Variants in TMEM117 observed in about 807,000 individuals in gnomAD.
TMEM117 encodes transmembrane protein 117.
TMEM117 carries 27 observed loss-of-function variants against 52.4 expected under a neutral mutation model. That is an observed-to-expected ratio of 0.51 (90% CI 0.38 to 0.71). TMEM117 has a LOEUF of 0.71. Among genes scored for constraint, TMEM117 ranks in the 30% least tolerant of loss-of-function variants. TMEM117 has a pLI of 0.00. For synonymous variants in TMEM117, 215 were observed against 206.3 expected, an observed-to-expected ratio of 1.04 and a Z score of -0.36; for missense variants, 556 against 630.5, an observed-to-expected ratio of 0.88 and a Z score of 1.26.
chr12:44,253,854 A>G (rs1247269067), intron 5 of TMEM117, among the ~76,000 whole-genome samples: 1 of 151,596 alleles, frequency 6.6e-6, no homozygotes, highest in Non-Finnish European at 1.5e-5. Context: ...ACACACACAC[A>G]CACACACACA....
intron 4 of TMEM117, among the ~76,000 whole-genome samples, chr12:44,204,292 A>G (rs1949535695): frequency 6.6e-6 from 1 of 152,198 alleles, no homozygotes. Context: ...TGAGAGCCAA[A>G]TTGAGAACAC....
chr12:43,858,733 G>A lies in TMEM117; in HGVS notation c.277+13805G>A, dbSNP rs563807667. 2.7e-3 allele frequency among the ~76,000 whole-genome samples: 415 copies of A among 152,348 alleles called. 3 individuals carry two copies. The highest frequency in any genetic ancestry group is 9.1e-3 in the African/African-American group (379 of 41,586). ...AACCAGCAAATACACACAAACCTGA[G>A]AGAGTGAGTTGGAACTTGCTCTTCA... On this transcript the variant is annotated intron_variant, in intron 2 of 7. Transcript: ENST00000266534.
intron 7 of TMEM117, among the ~76,000 whole-genome samples, chr12:44,384,396 G>T (rs1952060337): frequency 1.3e-5 from 2 of 152,078 alleles, no homozygotes; most frequent in Admixed American, 6.6e-5. Flanking sequence ...CTGGCTCACT[G>T]CATCCCTTCC....
chr12:44,166,414 A>G (rs994567030), intron 4 of TMEM117, among the ~76,000 whole-genome samples: 2 of 152,214 alleles, frequency 1.3e-5, no homozygotes, highest in Non-Finnish European at 2.9e-5. Flanking sequence ...GTTGGAGGGT[A>G]TTAAAAATAG....
chr12:44,257,126 T>C (rs955602131), intron 5 of TMEM117, among the ~76,000 whole-genome samples: 1 of 150,880 alleles, frequency 6.6e-6, no homozygotes, highest in Non-Finnish European at 1.5e-5. Context: ...TGCTAGGTCA[T>C]TGGAGAACAC....
rs141870764 is a variant in TMEM117, at chr12:43,965,427, C to A, written c.410+21085C>A. Among the ~76,000 whole-genome samples the A allele has an allele frequency of 1.3e-3, 194 of 152,246 alleles. 1 individual carries two copies. The highest frequency in any genetic ancestry group is 4.5e-3 in the African/African-American group (187 of 41,540). ...GAAGCACTAGACTGGAAAATTGTAACCTGTGCAAATTGGCTTGGATTAGAG... is the reference window on the plus strand; with the variant it reads ...GAAGCACTAGACTGGAAAATTGTAAACTGTGCAAATTGGCTTGGATTAGAG... On this transcript the variant is annotated intron_variant, in intron 3 of 7. Transcript: ENST00000266534.
intron 5 of TMEM117, among the ~76,000 whole-genome samples, chr12:44,286,407 A>G (rs192766541): frequency 2.6e-4 from 39 of 152,006 alleles, no homozygotes; most frequent in Admixed American, 5.9e-4. Flanking sequence ...AATTTTGGCA[A>G]TCAGCTTATA....
intron 2 of TMEM117, among the ~76,000 whole-genome samples, chr12:43,850,814 T>C (rs1480579213): frequency 2.6e-5 from 4 of 152,218 alleles, no homozygotes; most frequent in African/African-American, 9.6e-5. Context: ...ATTATTCATT[T>C]TTAAAAGGAC....
chr12:43,831,742 C>A (rs1446509906), upstream of TMEM117, among the ~76,000 whole-genome samples: 1 of 152,104 alleles, frequency 6.6e-6, no homozygotes, highest in Non-Finnish European at 1.5e-5. Flanking sequence ...TGGGGTTTCA[C>A]CATATTGGCC....
At chr12:44,381,253 C>A (rs1011364081) in intron 7 of TMEM117, among the ~76,000 whole-genome samples, 3 of 152,184 alleles carry the variant, frequency 2.0e-5, no homozygotes, top group African/African-American at 7.2e-5. Flanking sequence ...TTAAGTCACA[C>A]TGGTACTTTT....
intron 2 of TMEM117, among the ~76,000 whole-genome samples, chr12:43,866,088 A>G (rs1565725912): frequency 6.6e-6 from 1 of 151,826 alleles, no homozygotes; most frequent in South Asian, 2.1e-4. Context: ...GGGCAAGGAG[A>G]TAGAAAACCA....
chr12:44,143,710 A>G, intron 4 of TMEM117, 86 bp downstream of exon 4: 1 of 903,538 alleles, frequency 1.1e-6, no homozygotes, highest in Admixed American at 2.5e-5. Flanking sequence ...TTGATGATGT[A>G]GAGTAAAATA....
At chr12:43,939,044 G>C (rs183869168) in intron 2 of TMEM117, among the ~76,000 whole-genome samples, 116 of 152,024 alleles carry the variant, frequency 7.6e-4, no homozygotes, top group African/African-American at 2.7e-3. Flanking sequence ...AAGAAAATGT[G>C]AGAAGGAAGC....
chr12:44,105,286 T>A (rs1009634169), intron 3 of TMEM117, among the ~76,000 whole-genome samples: 5 of 152,032 alleles, frequency 3.3e-5, no homozygotes, highest in African/African-American at 1.2e-4. Flanking sequence ...AGTCTTCATT[T>A]CTGTTACACT....
At chr12:44,013,028 CT>C (rs112180367) in intron 3 of TMEM117, among the ~76,000 whole-genome samples, 21,073 of 141,418 alleles carry the variant, frequency 0.15, 1,702 homozygotes, top group African/African-American at 0.22. Context: ...TTCTTTCTTG[CT>C]TTTTTTTTTT....
At chr12:44,250,781 T>C (rs1215113503) in intron 5 of TMEM117, among the ~76,000 whole-genome samples, 1 of 152,018 alleles carries the variant, frequency 6.6e-6, no homozygotes, top group Non-Finnish European at 1.5e-5. Context: ...AAGTGGGAGT[T>C]GAACAATGAG....
chr12:44,364,222 C>T (rs1448432547), intron 6 of TMEM117, among the ~76,000 whole-genome samples: 1 of 152,058 alleles, frequency 6.6e-6, no homozygotes, highest in African/African-American at 2.4e-5. Context: ...CGATTGCTTC[C>T]ATATAGTCTC....
In TMEM117 at chr12:43,908,580, G is replaced by T. The variant is rs1193124465; in HGVS notation, c.278-35630G>T. ...TTGGATAAAGAGTCAAGACCCATCA[G>T]TGTGCTGTATTCAGGAAACCCATCT... On this transcript the variant is annotated intron_variant, in intron 2 of 7. Coordinates refer to ENST00000266534, the MANE Select transcript of TMEM117 (RefSeq NM_032256.3). Among the ~76,000 whole-genome samples the T allele has an allele frequency of 1.1e-4, 16 of 151,560 alleles. No homozygotes were observed. In the East Asian group the frequency reaches 2.6e-3, roughly 24 times the overall value.
At chr12:44,297,644 T>G (rs1950785100) in intron 5 of TMEM117, among the ~76,000 whole-genome samples, 1 of 152,322 alleles carries the variant, frequency 6.6e-6, no homozygotes, top group Non-Finnish European at 1.5e-5. Flanking sequence ...GAAAATACCC[T>G]TACTACCAAA....
Sources: allele counts gnomAD v4.1 joint callset (sites outside exome capture counted in the v4.1 genomes callset), GRCh38; gene constraint gnomAD v4.1.1; transcripts MANE v1.5; gene names NCBI Gene and HGNC (gene_info 2026-07-23, HGNC 2026-07-21).